Variants in DLG2 observed in about 807,000 individuals in gnomAD.
DLG2 encodes discs large MAGUK scaffold protein 2, also known as disks large homolog 2.
Under a neutral mutation model 132.5 loss-of-function variants are expected in DLG2, and 45 were observed. That is an observed-to-expected ratio of 0.34 (90% CI 0.27 to 0.44). The LOEUF (loss-of-function observed/expected upper bound fraction) is 0.44, where lower values mean the gene tolerates loss of function less well. Ranked by LOEUF, DLG2 falls within the 20% of genes least tolerant of loss-of-function variation. The probability of loss-of-function intolerance (pLI) is 1.00; values close to 1 mark genes in which losing one functional copy is unlikely to be tolerated. For missense variants in DLG2, 1,045 were observed against 1,196.9 expected (o/e 0.87, Z 1.87); for synonymous variants, 424 against 419.6 (o/e 1.01, Z -0.13).
intron 7 of DLG2, among the ~76,000 whole-genome samples, chr11:84,444,185 G>C (rs2099025847): frequency 1.3e-5 from 2 of 152,020 alleles, no homozygotes; most frequent in South Asian, 4.1e-4. Context: ...CACATGGTTG[G>C]GGCAGGGTAA....
chr11:84,020,482 A>T (rs1045787347), intron 11 of DLG2, among the ~76,000 whole-genome samples: 16 of 152,194 alleles, frequency 1.1e-4, no homozygotes, highest in Non-Finnish European at 1.5e-5. Flanking sequence ...TAATATTTGA[A>T]TGTGAGAAAG....
intron 5 of DLG2, among the ~76,000 whole-genome samples, chr11:85,152,645 T>G (rs149211480): frequency 6.6e-6 from 1 of 152,346 alleles, no homozygotes; most frequent in African/African-American, 2.4e-5. Flanking sequence ...ATTAGGAAAC[T>G]GAGGCATACA....
At chr11:84,217,182 C>T (rs1222485257) in intron 8 of DLG2, among the ~76,000 whole-genome samples, 1 of 152,106 alleles carries the variant, frequency 6.6e-6, no homozygotes, top group Non-Finnish European at 1.5e-5. Context: ...CCGAAAGAAG[C>T]CAGAAATAAG....
intron 6 of DLG2, among the ~76,000 whole-genome samples, chr11:84,838,499 C>CATTGTCA (rs2080126668): frequency 6.6e-6 from 1 of 151,836 alleles, no homozygotes. Flanking sequence ...TTGCTGTTGA[C>CATTGTCA]ATTGTCAACT....
At chr11:83,627,790 C>T (rs2062852016) in intron 19 of DLG2, among the ~76,000 whole-genome samples, 1 of 152,192 alleles carries the variant, frequency 6.6e-6, no homozygotes, top group African/African-American at 2.4e-5. Flanking sequence ...AATCGCCACA[C>T]TGACTTCCAC....
At chr11:84,317,476 T>G (rs1038589348) in intron 7 of DLG2, 2 of 652,690 alleles carry the variant, frequency 3.1e-6, no homozygotes, top group African/African-American at 3.8e-5. Context: ...CCTTTTTGGA[T>G]GGAGCCCTAC....
chr11:84,354,794 G>A (rs886138153), intron 7 of DLG2, among the ~76,000 whole-genome samples: 1 of 152,188 alleles, frequency 6.6e-6, no homozygotes, highest in Middle Eastern at 3.4e-3. Flanking sequence ...GGTTTGACTA[G>A]GTTGTCAATA....
At chr11:84,270,817 T>C (rs1439645030) in intron 7 of DLG2, among the ~76,000 whole-genome samples, 1 of 152,222 alleles carries the variant, frequency 6.6e-6, no homozygotes, top group East Asian at 1.9e-4. Flanking sequence ...CATTGTTCAT[T>C]TTCAAGTATT....
chr11:85,431,295 C>T (rs1388136808), intron 3 of DLG2, among the ~76,000 whole-genome samples: 1 of 152,136 alleles, frequency 6.6e-6, no homozygotes, highest in African/African-American at 2.4e-5. Flanking sequence ...TGCAGTGGAC[C>T]ACCTGAGAGC....
chr11:83,886,817 T>C (rs1335773570), intron 15 of DLG2, among the ~76,000 whole-genome samples: 1 of 151,952 alleles, frequency 6.6e-6, no homozygotes, highest in Non-Finnish European at 1.5e-5. Flanking sequence ...CTCAACTACA[T>C]GGAAACTGAA....
chr11:83,883,974 G>T (rs190979517), intron 15 of DLG2, among the ~76,000 whole-genome samples: 1 of 146,400 alleles, frequency 6.8e-6, no homozygotes, highest in African/African-American at 2.5e-5. Context: ...CAAGATGGCC[G>T]AATAGGAACA....
chr11:84,973,398 T>C (rs975261252), intron 6 of DLG2, among the ~76,000 whole-genome samples: 3 of 152,206 alleles, frequency 2.0e-5, no homozygotes, highest in African/African-American at 7.2e-5. Flanking sequence ...GCTTCTTATG[T>C]TCCTCGTGAA....
At chr11:85,438,031 T>C (rs915986351) in intron 3 of DLG2, among the ~76,000 whole-genome samples, 2 of 152,236 alleles carry the variant, frequency 1.3e-5, no homozygotes, top group African/African-American at 4.8e-5. Context: ...GGCATCAGCA[T>C]CTGCTTCTGA....
intron 15 of DLG2, among the ~76,000 whole-genome samples, chr11:83,886,333 G>T (rs1372538480): frequency 1.3e-5 from 2 of 152,088 alleles, no homozygotes; most frequent in Non-Finnish European, 1.5e-5. Flanking sequence ...AACCAACAAA[G>T]ATCAAAAGAG....
intron 6 of DLG2, among the ~76,000 whole-genome samples, chr11:84,769,185 AT>A (rs1260290206): frequency 6.6e-6 from 1 of 152,104 alleles, no homozygotes; most frequent in Non-Finnish European, 1.5e-5. Flanking sequence ...CGAAGCATGT[AT>A]TTCAAGGAAG....
At chr11:85,497,750 C>T (rs2093700992) in intron 3 of DLG2, among the ~76,000 whole-genome samples, 2 of 152,086 alleles carry the variant, frequency 1.3e-5, no homozygotes, top group South Asian at 4.2e-4. Flanking sequence ...ACCCTACAAG[C>T]CAAAAGAGAC....
chr11:85,490,864 A>G (rs1487288338), intron 3 of DLG2, among the ~76,000 whole-genome samples: 1 of 152,126 alleles, frequency 6.6e-6, no homozygotes, highest in African/African-American at 2.4e-5. Flanking sequence ...AACTAATACC[A>G]ATCCTCCTGA....
At chr11:85,575,618 C>T (rs948036734) in intron 3 of DLG2, among the ~76,000 whole-genome samples, 1 of 151,816 alleles carries the variant, frequency 6.6e-6, no homozygotes, top group Non-Finnish European at 1.5e-5. Flanking sequence ...GGGCATACTA[C>T]TACCTTTGCA....
At position 83,459,116 on chromosome 11, in the gene DLG2, T is replaced by C. The variant is rs1039804606; in HGVS notation, c.*702A>G. The C allele has an allele frequency of 1.3e-5, 2 of 152,656 alleles. No homozygotes were observed. Among genetic ancestry groups the C allele is most frequent in the Non-Finnish European group, 2.9e-5 (2 of 68,038 alleles). The allele number at this position is 152,656 out of a possible 1,614,324, so 9.5% of individuals were successfully genotyped here. On this transcript the variant is annotated 3_prime_UTR_variant, in exon 28 of 28. Coordinates refer to ENST00000376104, the MANE Select transcript of DLG2 (RefSeq NM_001142699.3). ...ATTTAATATATTTTTATTGTATAAA[T>C]TATTCTCATCTTTAGTGCCTTCTTT...
Sources: gnomAD v4.1 joint callset for allele counts (sites outside exome capture counted in the v4.1 genomes callset) on GRCh38, gnomAD v4.1.1 for gene constraint, MANE v1.5 for transcripts, NCBI Gene and HGNC (gene_info 2026-07-23, HGNC 2026-07-21) for gene names.